KCNH5: variants seen among roughly 807,000 people sequenced by gnomAD.
KCNH5 encodes voltage-gated delayed rectifier potassium channel KCNH5.
Under a neutral mutation model 96.1 loss-of-function variants are expected in KCNH5, and 46 were observed. The ratio of observed to expected loss-of-function variants is 0.48; its 90% CI spans 0.38 to 0.61. KCNH5 has a LOEUF of 0.61. KCNH5 is among the 20% of genes least tolerant of loss of function. KCNH5 has a pLI of 0.00. For synonymous variants in KCNH5, 439 were observed against 449.8 expected, an observed-to-expected ratio of 0.98 and a Z score of 0.30; for missense variants, 907 against 1,225.8, an observed-to-expected ratio of 0.74 and a Z score of 3.88.
chr14:62,844,922 G>A (rs1211529955), intron 8 of KCNH5, among the ~76,000 whole-genome samples: 1 of 152,138 alleles, frequency 6.6e-6, no homozygotes, highest in Non-Finnish European at 1.5e-5. Context: ...CTCAGTCATT[G>A]GGGCGAAGGT....
chr14:62,873,348 G>A (rs1888298485), intron 7 of KCNH5, among the ~76,000 whole-genome samples: 1 of 152,148 alleles, frequency 6.6e-6, no homozygotes, highest in South Asian at 2.1e-4. Flanking sequence ...TCTTTATATT[G>A]TTACCAATGC....
At chr14:62,765,485 T>C (rs1190960464) in intron 10 of KCNH5, among the ~76,000 whole-genome samples, 1 of 152,042 alleles carries the variant, frequency 6.6e-6, no homozygotes, top group Non-Finnish European at 1.5e-5. Flanking sequence ...ATGAAGACTC[T>C]GAAAGCAATT....
rs150366779 is a variant in KCNH5 at position 62,707,649 on chromosome 14, C to G, written c.2826G>C (p.Leu942=). The change falls in exon 11 of 11, where the codon CTG becomes CTC. Residue 942 remains leucine, a synonymous_variant. Transcript: ENST00000322893. ...EKQVAEILKI[L]SEKSVPQASS... ...AGGCCTGGGGTACGCTTTTTTCCGA[C>G]AGTATTTTTAAAATTTCTGCCACCT... 5.3e-4 allele frequency: 847 copies of G among 1,584,656 alleles called. 4 individuals are homozygous for G. The highest frequency in any genetic ancestry group is 5.8e-4 in the Admixed American group (33 of 57,120).
At chr14:62,879,282 TCAC>T (rs1888446139) in intron 7 of KCNH5, among the ~76,000 whole-genome samples, 1 of 152,116 alleles carries the variant, frequency 6.6e-6, no homozygotes, top group Non-Finnish European at 1.5e-5. Flanking sequence ...ATTGGTACAA[TCAC>T]TTTGCAAAAC....
At chr14:62,731,540 A>G (rs1363026141) in intron 10 of KCNH5, among the ~76,000 whole-genome samples, 1 of 152,114 alleles carries the variant, frequency 6.6e-6, no homozygotes, top group Non-Finnish European at 1.5e-5. Context: ...TTTTCTACTA[A>G]AATTTGAACC....
intron 8 of KCNH5, among the ~76,000 whole-genome samples, chr14:62,830,374 T>C (rs1348547685): frequency 6.6e-6 from 1 of 152,188 alleles, no homozygotes; most frequent in African/African-American, 2.4e-5. Flanking sequence ...GTTTCCTGTA[T>C]TAGTTTTCAC....
At chr14:62,893,760 A>T (rs1381173095) in intron 7 of KCNH5, among the ~76,000 whole-genome samples, 1 of 152,208 alleles carries the variant, frequency 6.6e-6, no homozygotes, top group East Asian at 1.9e-4. Flanking sequence ...AAAAAAAAGA[A>T]TAGTACATAA....
In KCNH5 at chr14:62,950,383, G is replaced by A. The variant is rs765619899; in HGVS notation, c.1119C>T (p.Tyr373=). 2.5e-5 allele frequency: 41 copies of A among 1,613,788 alleles called. No individual in the cohort carries two copies. Among genetic ancestry groups the A allele is most frequent in the Admixed American group, 2.0e-4 (12 of 59,964 alleles). Residue 373 remains tyrosine (Y), a synonymous_variant, in exon 7 of 11, where the codon TAC becomes TAT. Transcript: ENST00000322893. Reference sequence around the variant, plus strand: ...TGTTAGTGACTTCATCAATGACCTCGTAGTCTCCGATGCTATACCATATGC... The same window carrying A: ...TGTTAGTGACTTCATCAATGACCTCATAGTCTCCGATGCTATACCATATGC... ...LACIWYSIGD[Y]EVIDEVTNTI...
At chr14:62,934,539 A>C (rs1889642056) in intron 7 of KCNH5, among the ~76,000 whole-genome samples, 1 of 152,180 alleles carries the variant, frequency 6.6e-6, no homozygotes, top group African/African-American at 2.4e-5. Flanking sequence ...CCTCAGCATG[A>C]TCGAGGATGA....
chr14:62,769,592 A>G (rs1885942717), intron 10 of KCNH5, among the ~76,000 whole-genome samples: 2 of 152,238 alleles, frequency 1.3e-5, no homozygotes, highest in South Asian at 2.1e-4. Context: ...ACAAATGGTT[A>G]GAAACAGCAG....
rs1423957191 is a variant in KCNH5 at position 62,707,306 on chromosome 14, T to C, written c.*202A>G. ...TAAAGTGTGCATGCAGTCAACTGCA[T>C]AATATACAAGCAATATCTATGTTTT... On this transcript the variant is annotated 3_prime_UTR_variant, in exon 11 of 11. Transcript: ENST00000322893. The C allele has an allele frequency of 3.2e-6, 1 of 315,914 alleles. No individual in the cohort carries two copies. Among genetic ancestry groups the C allele is most frequent in the Admixed American group, 4.8e-5 (1 of 20,718 alleles). The allele number at this position is 315,914 out of a possible 1,614,324, so 19.6% of individuals were successfully genotyped here. A position where few individuals can be genotyped will look rare whatever the true frequency, so the allele number is the denominator to read the frequency against.
intron 7 of KCNH5, among the ~76,000 whole-genome samples, chr14:62,906,743 A>ATT (rs965076611): frequency 3.9e-5 from 6 of 152,208 alleles, no homozygotes; most frequent in African/African-American, 7.2e-5. Context: ...TTTTTTAAAC[A>ATT]TAACAAAACT....
chr14:63,019,978 G>A (rs1485642970), intron 1 of KCNH5, among the ~76,000 whole-genome samples: 4 of 151,930 alleles, frequency 2.6e-5, no homozygotes, highest in Non-Finnish European at 5.9e-5. Context: ...TCCTACAAAA[G>A]AACAAACAAC....
At chr14:62,839,400 T>C (rs551230494) in intron 8 of KCNH5, among the ~76,000 whole-genome samples, 1 of 152,328 alleles carries the variant, frequency 6.6e-6, no homozygotes, top group South Asian at 2.1e-4. Context: ...GGAGTAAAGC[T>C]ATACCCTGAT....
chr14:62,916,883 G>T (rs1034141921), intron 7 of KCNH5, among the ~76,000 whole-genome samples: 1 of 152,142 alleles, frequency 6.6e-6, no homozygotes, highest in Non-Finnish European at 1.5e-5. Context: ...TCCAGACAAA[G>T]TTAAAAATAG....
At chr14:62,891,283 T>A (rs572077142) in intron 7 of KCNH5, among the ~76,000 whole-genome samples, 2 of 152,312 alleles carry the variant, frequency 1.3e-5, no homozygotes, top group South Asian at 4.1e-4. Flanking sequence ...GAGGCTATTA[T>A]CCTCAGCAAA....
intron 10 of KCNH5, among the ~76,000 whole-genome samples, chr14:62,716,766 C>T (rs1056544632): frequency 2.2e-4 from 34 of 152,104 alleles, no homozygotes; most frequent in African/African-American, 6.8e-4. Context: ...CCCATCACTT[C>T]TACTTAACAT....
chr14:62,934,736 CAAT>C (rs1001816964), intron 7 of KCNH5, among the ~76,000 whole-genome samples: 1 of 152,134 alleles, frequency 6.6e-6, no homozygotes. Context: ...ATAGCCAAAA[CAAT>C]AATCTTAAAA....
At chr14:62,733,558 G>A (rs1279675836) in intron 10 of KCNH5, among the ~76,000 whole-genome samples, 1 of 150,666 alleles carries the variant, frequency 6.6e-6, no homozygotes, top group Non-Finnish European at 1.5e-5. Context: ...AGACATATAG[G>A]TACTACTTTT....
Sources: gnomAD v4.1 joint callset for allele counts (sites outside exome capture counted in the v4.1 genomes callset) on GRCh38, gnomAD v4.1.1 for gene constraint, MANE v1.5 for transcripts, NCBI Gene and HGNC (gene_info 2026-07-23, HGNC 2026-07-21) for gene names.